WDR77: variants seen among roughly 807,000 people sequenced by gnomAD.
WDR77 encodes WD repeat domain 77, also known as methylosome protein WDR77.
In WDR77, 31 loss-of-function variants were observed where a neutral mutation model predicts 44.0. The ratio of observed to expected loss-of-function variants is 0.70; its 90% CI spans 0.53 to 0.95. The LOEUF (loss-of-function observed/expected upper bound fraction) is 0.95. Among genes scored for constraint, WDR77 ranks in the 40% least tolerant of loss-of-function variants. The probability of loss-of-function intolerance (pLI) is 0.00; values close to 1 mark genes in which losing one functional copy is unlikely to be tolerated. For missense variants in WDR77, 390 were observed against 423.9 expected, an observed-to-expected ratio of 0.92 and a Z score of 0.70; for synonymous variants, 186 against 165.7, an observed-to-expected ratio of 1.12 and a Z score of -0.94.
chr1:111,445,387 TG>T (rs1652982109), intron 4 of WDR77, among the ~76,000 whole-genome samples: 1 of 152,212 alleles, frequency 6.6e-6, no homozygotes, highest in Admixed American at 6.5e-5. Flanking sequence ...AGGAATTTAT[TG>T]CTCACTTGAA....
chr1:111,447,357 T>C, intron 3 of WDR77, 78 bp downstream of exon 3: 1 of 1,586,244 alleles, frequency 6.3e-7, no homozygotes, highest in African/African-American at 1.4e-5. Flanking sequence ...GCCCAAAATG[T>C]TACCTAATGA....
rs12042696 is a variant in WDR77 at position 111,445,878 on chromosome 1, C to T, written c.493+1217G>A. ...CCGCCTCCAGGGTTCAAGCACTTCT[C>T]GGGCCTCAGCCTCCCAAGTAGCTGG... On this transcript the variant is annotated intron_variant, in intron 4 of 9. Transcript: ENST00000235090. Among the ~76,000 whole-genome samples, 454 of 152,230 alleles carry T rather than the reference C, an allele frequency of 3.0e-3. 9 individuals carry two copies. Among genetic ancestry groups the T allele is most frequent in the East Asian group, 0.012 (63 of 5,194 alleles).
intron 8 of WDR77, among the ~76,000 whole-genome samples, 195 bp downstream of exon 8, chr1:111,442,458 A>G (rs986903762): frequency 2.0e-5 from 3 of 152,182 alleles, no homozygotes; most frequent in African/African-American, 4.8e-5. Flanking sequence ...GACAGAAACC[A>G]TCTAATCTGA....
At position 111,441,722 on chromosome 1, in the gene WDR77, T is replaced by C. The variant is rs1411333851; in HGVS notation, c.869+303A>G. ...TTACCCTGTAGCAGGCTGCATTTCATACGCAGTTCTTTATGTGAGAGGGTA... is the reference window on the plus strand; with the variant it reads ...TTACCCTGTAGCAGGCTGCATTTCACACGCAGTTCTTTATGTGAGAGGGTA... On this transcript the variant is annotated intron_variant, in intron 9 of 9. Coordinates refer to ENST00000235090, the MANE Select transcript of WDR77 (RefSeq NM_024102.4). The C allele has an allele frequency of 6.0e-6, 4 of 669,808 alleles. No homozygotes were observed. The African/African-American group carries it at 7.2e-5, about 12-fold the overall frequency. The allele number at this position is 669,808 out of a possible 1,614,324, so 41.5% of individuals were successfully genotyped here.
intron 9 of WDR77, 64 bp downstream of exon 9, chr1:111,441,960 GA>G: frequency 1.4e-6 from 2 of 1,461,306 alleles, no homozygotes; most frequent in South Asian, 1.2e-5. Flanking sequence ...TTCTGAAGAG[GA>G]AAATGACTCG....
At chr1:111,441,827 G>C (rs562047448) in intron 9 of WDR77, among the ~76,000 whole-genome samples, 198 bp downstream of exon 9, 16 of 152,138 alleles carry the variant, frequency 1.1e-4, no homozygotes, top group Non-Finnish European at 1.8e-4. Flanking sequence ...CCAAGGACAC[G>C]GCTTGTCCTT....
At position 111,449,007 on chromosome 1, in the gene WDR77, G is replaced by A. The variant is rs943867481; in HGVS notation, c.115+48C>T. 12 of 1,546,758 alleles carry A rather than the reference G, an allele frequency of 7.8e-6. No homozygotes were observed. In the African/African-American group the frequency reaches 1.2e-4, roughly 16 times the overall value. The stretch of plus-strand genomic sequence containing the variant: ...GGAGGGTCAGTCTCCGGGGAGGGGC[G>A]CCCTGGGCCGGGGTAAGGGAGCTCC... On this transcript the variant is annotated intron_variant, in intron 1 of 9. Coordinates refer to ENST00000235090, the MANE Select transcript of WDR77 (RefSeq NM_024102.4).
Position 111,441,334 on chromosome 1 carries a change from T to G in WDR77, c.925A>C (p.Asn309His). 6.3e-7 allele frequency: 1 copy of G among 1,579,010 alleles called. No homozygotes were observed. The highest frequency in any genetic ancestry group is 8.6e-7 in the Non-Finnish European group (1 of 1,160,106). ...FVRDATWSPL[N>H]HSLLTTVGWD... Reference sequence around the variant, plus strand: ...CCCACTGTGGTAAGCAGGGAGTGATTGAGCGGGGACCAAGTCGCATCTCTC... The same window carrying G: ...CCCACTGTGGTAAGCAGGGAGTGATGGAGCGGGGACCAAGTCGCATCTCTC... The change falls in exon 10 of 10, where the codon AAT becomes CAT. Residue 309 changes from asparagine to histidine, a missense_variant. By Grantham distance (68) the Asn-to-His change is moderately conservative (BLOSUM62 1). Coordinates refer to ENST00000235090, the MANE Select transcript of WDR77 (RefSeq NM_024102.4).
Position 111,449,231 on chromosome 1 carries a change from C to T in WDR77, c.-62G>A, listed in dbSNP as rs1467697065. On this transcript the variant is annotated 5_prime_UTR_variant, in exon 1 of 10. Transcript: ENST00000235090. ...ACGCCGGCCGGAGACTCCGCTCCGGCAGCAAACCCCACGTGGTGCACCTCT... is the reference window on the plus strand; with the variant it reads ...ACGCCGGCCGGAGACTCCGCTCCGGTAGCAAACCCCACGTGGTGCACCTCT... 2 of 1,534,910 alleles carry T rather than the reference C, an allele frequency of 1.3e-6. No individual in the cohort carries two copies. The highest frequency in any genetic ancestry group is 1.2e-5 in the South Asian group (1 of 84,058).
chr1:111,446,803 G>A (rs1273424370), intron 4 of WDR77: 1 of 307,222 alleles, frequency 3.3e-6, no homozygotes. Flanking sequence ...AAACTGGCTG[G>A]TCTGAAGGTA....
Position 111,449,110 on chromosome 1 carries a change from G to A in WDR77, c.60C>T (p.Pro20=). 1 of 1,604,852 alleles carries A rather than the reference G, an allele frequency of 6.2e-7. No individual in the cohort carries two copies. The highest frequency in any genetic ancestry group is 8.5e-7 in the Non-Finnish European group (1 of 1,177,576). Residue 20 remains proline, a synonymous_variant, in exon 1 of 10, where the codon CCC becomes CCT. Transcript: ENST00000235090. ...GTTCCATGCAGGCGGGCGCATTTGG[G>A]GGAAGATTCCACTCCCGGGCCGCCG... ...VPPAAREWNL[P]PNAPACMERQ... is the part of the protein sequence containing the mutation.
intron 6 of WDR77, 73 bp downstream of exon 6, chr1:111,443,794 G>C (rs1652910452): frequency 1.9e-6 from 3 of 1,607,504 alleles, no homozygotes; most frequent in Non-Finnish European, 2.5e-6. Context: ...ACTATGCTTT[G>C]ACACTGGCCA....
At chr1:111,446,686 A>G (rs1571368936) in intron 4 of WDR77, 1 of 166,124 alleles carries the variant, frequency 6.0e-6, no homozygotes, top group East Asian at 1.8e-4. Context: ...GGAAAAGACT[A>G]AAAAGAACTT....
intron 8 of WDR77, among the ~76,000 whole-genome samples, chr1:111,442,295 C>G (rs559771944): frequency 9.2e-5 from 14 of 152,174 alleles, no homozygotes; most frequent in Admixed American, 5.2e-4. Flanking sequence ...GGTTGACAAC[C>G]ATCCTGGCAA....
Position 111,440,138 on chromosome 1 carries a change from A to C in WDR77, c.*1092T>G, listed in dbSNP as rs1355996165. 1 of 152,400 alleles carries C rather than the reference A, an allele frequency of 6.6e-6. No individual in the cohort carries two copies. The highest frequency in any genetic ancestry group is 1.5e-5 in the Non-Finnish European group (1 of 68,038). 9.4% of individuals were successfully genotyped at this position (152,400 alleles called of 1,614,324 possible). A position where few individuals can be genotyped will look rare whatever the true frequency, so the allele number is the denominator to read the frequency against. On this transcript the variant is annotated 3_prime_UTR_variant, in exon 10 of 10. Coordinates refer to ENST00000235090, the MANE Select transcript of WDR77 (RefSeq NM_024102.4). The stretch of plus-strand genomic sequence containing the variant: ...CAACCCAAGAATAAATATTTACCTT[A>C]AGTTCTAACTAGCTACTTTGGGAAG...
At chr1:111,444,181 G>A in intron 4 of WDR77, 57 bp from the exon 5 acceptor site, 1 of 1,563,010 alleles carries the variant, frequency 6.4e-7, no homozygotes, top group Non-Finnish European at 8.8e-7. Context: ...CATTACTAGA[G>A]GGCCAGCCCA....
In WDR77 at chr1:111,449,248, T is replaced by C. The variant is rs1486421224; in HGVS notation, c.-79A>G. On this transcript the variant is annotated 5_prime_UTR_variant, in exon 1 of 10. Transcript: ENST00000235090. ...CGCTCCGGCAGCAAACCCCACGTGG[T>C]GCACCTCTGAGCCTCCGCCCCTCTC... The C allele has an allele frequency of 7.2e-6, 11 of 1,536,368 alleles. No homozygotes were observed. The highest frequency in any genetic ancestry group is 9.6e-6 in the Non-Finnish European group (11 of 1,146,988).
chr1:111,447,005 T>A (rs2101747228), intron 4 of WDR77, 90 bp downstream of exon 4: 2 of 1,318,960 alleles, frequency 1.5e-6, no homozygotes, highest in East Asian at 4.6e-5. Context: ...TATCAGAACA[T>A]GGAATTGCTG....
chr1:111,445,749 A>G (rs567851762), intron 4 of WDR77, among the ~76,000 whole-genome samples: 1 of 152,338 alleles, frequency 6.6e-6, no homozygotes, highest in African/African-American at 2.4e-5. Flanking sequence ...ATAAAAAGCA[A>G]ATATAATAGA....
Sources: gnomAD v4.1 joint callset for allele counts (sites outside exome capture counted in the v4.1 genomes callset) on GRCh38, gnomAD v4.1.1 for gene constraint, MANE v1.5 for transcripts, NCBI Gene and HGNC (gene_info 2026-07-23, HGNC 2026-07-21) for gene names.